The following LHFPL3 variants were observed in gnomAD, a reference collection of about 807,000 sequenced individuals.
LHFPL3 encodes LHFPL tetraspan subfamily member 3, also known as LHFPL tetraspan subfamily member 3 protein.
Under a neutral mutation model 19.3 loss-of-function variants are expected in LHFPL3, and 5 were observed. The ratio of observed to expected loss-of-function variants is 0.26; its 90% confidence interval spans 0.14 to 0.54. The LOEUF (loss-of-function observed/expected upper bound fraction) is 0.54, where lower values mean the gene tolerates loss of function less well. Ranked by LOEUF, LHFPL3 falls within the 20% of genes least tolerant of loss-of-function variation. LHFPL3 has a pLI of 0.94. For missense variants in LHFPL3, 249 were observed against 307.4 expected, an observed-to-expected ratio of 0.81 and a Z score of 1.42; for synonymous variants, 133 against 126.2, an observed-to-expected ratio of 1.05 and a Z score of -0.36.
intron 1 of LHFPL3, among the ~76,000 whole-genome samples, chr7:104,703,017 A>G (rs1449091361): frequency 2.6e-5 from 4 of 152,238 alleles, no homozygotes. Flanking sequence ...TTGAATATCC[A>G]AAGAACAATG....
Position 104,328,764 on chromosome 7 carries a change from G to A in LHFPL3, c.-16G>A. ...GGAGGACCAGGAGGAGGAGGAGGAG[G>A]AGGAGGAGGGGGAGAATGCCCGGAG... On this transcript the variant is annotated 5_prime_UTR_variant, in exon 1 of 3. Transcript: ENST00000424859. The surrounding 1 kb of genome is among the most constrained non-coding windows in gnomAD (Gnocchi z 4.6). 6.4e-7 allele frequency: 1 copy of A among 1,559,648 alleles called. No individual in the cohort carries two copies. The highest frequency in any genetic ancestry group is 2.4e-5 in the East Asian group (1 of 41,858).
chr7:104,804,141 A>G (rs1464871976), intron 2 of LHFPL3: 1 of 152,222 alleles, frequency 6.6e-6, no homozygotes, highest in Non-Finnish European at 1.5e-5. Flanking sequence ...TCTTTCCAGG[A>G]TTCCCAAGAA....
At chr7:104,701,343 A>G (rs1263268902) in intron 1 of LHFPL3, among the ~76,000 whole-genome samples, 3 of 152,184 alleles carry the variant, frequency 2.0e-5, no homozygotes, top group African/African-American at 4.8e-5. Flanking sequence ...AAAAATCCAC[A>G]TACAACTTAC....
At chr7:104,362,685 C>T (rs1030807540) in intron 1 of LHFPL3, among the ~76,000 whole-genome samples, 3 of 152,184 alleles carry the variant, frequency 2.0e-5, no homozygotes, top group African/African-American at 7.2e-5. Flanking sequence ...TAATACTGTA[C>T]ACCCAGCTAA....
intron 1 of LHFPL3, among the ~76,000 whole-genome samples, chr7:104,537,282 ACT>A (rs748844670): frequency 2.0e-5 from 3 of 151,468 alleles, no homozygotes; most frequent in African/African-American, 4.9e-5. Flanking sequence ...ATTTCTAAAA[ACT>A]CTCTGTTTCT....
intron 1 of LHFPL3, among the ~76,000 whole-genome samples, chr7:104,555,141 G>A (rs1444383753): frequency 2.0e-5 from 3 of 152,068 alleles, no homozygotes; most frequent in African/African-American, 4.8e-5. Flanking sequence ...CAGAAATGAC[G>A]CTTTCCCAGC....
intron 1 of LHFPL3, among the ~76,000 whole-genome samples, chr7:104,370,001 A>G (rs945382366): frequency 1.3e-5 from 2 of 152,354 alleles, no homozygotes; most frequent in African/African-American, 2.4e-5. Flanking sequence ...ATGTGATATA[A>G]AGAATATTAA....
intron 1 of LHFPL3, chr7:104,470,152 CT>C: frequency 6.7e-6 from 3 of 447,614 alleles, no homozygotes; most frequent in South Asian, 1.6e-5. Context: ...GTTGGGGATT[CT>C]TTTCCCCCTG....
At chr7:104,482,436 A>G (rs1398576578) in intron 1 of LHFPL3, among the ~76,000 whole-genome samples, 1 of 152,210 alleles carries the variant, frequency 6.6e-6, no homozygotes, top group African/African-American at 2.4e-5. Flanking sequence ...TTGTCCATAT[A>G]GAGCCTCTTT....
chr7:104,773,371 C>T (rs1250136505), intron 2 of LHFPL3, among the ~76,000 whole-genome samples: 1 of 152,226 alleles, frequency 6.6e-6, no homozygotes, highest in Non-Finnish European at 1.5e-5. Flanking sequence ...ATTTGGGAAG[C>T]AGATGTTCCC....
At chr7:104,820,460 G>A (rs1046725461) in intron 2 of LHFPL3, among the ~76,000 whole-genome samples, 8 of 152,190 alleles carry the variant, frequency 5.3e-5, no homozygotes, top group African/African-American at 1.9e-4. Context: ...CAGAGATTAT[G>A]TTGGCAAGGG....
At chr7:104,718,720 A>G (rs1181468295) in intron 1 of LHFPL3, among the ~76,000 whole-genome samples, 1 of 152,238 alleles carries the variant, frequency 6.6e-6, no homozygotes, top group Non-Finnish European at 1.5e-5. Flanking sequence ...TATATGGAAC[A>G]CCAAGTGCAT....
intron 1 of LHFPL3, among the ~76,000 whole-genome samples, chr7:104,439,099 A>T (rs1251461022): frequency 6.6e-6 from 1 of 152,214 alleles, no homozygotes; most frequent in Non-Finnish European, 1.5e-5. Flanking sequence ...ATTAACAACA[A>T]TTCCCTTACA....
intron 1 of LHFPL3, among the ~76,000 whole-genome samples, chr7:104,411,537 C>A (rs1164431002): frequency 1.3e-5 from 2 of 152,100 alleles, no homozygotes; most frequent in Non-Finnish European, 2.9e-5. Flanking sequence ...CTTCTTCCTC[C>A]TAAAATCACC....
At chr7:104,763,223 G>A (rs1794405660) in intron 2 of LHFPL3, among the ~76,000 whole-genome samples, 2 of 152,290 alleles carry the variant, frequency 1.3e-5, no homozygotes, top group South Asian at 2.1e-4. Flanking sequence ...CACTGTAAAG[G>A]TCACAATGTC....
intron 1 of LHFPL3, among the ~76,000 whole-genome samples, chr7:104,708,701 C>T (rs1793236163): frequency 6.6e-6 from 1 of 152,116 alleles, no homozygotes; most frequent in African/African-American, 2.4e-5. Flanking sequence ...ACTGTCAGTC[C>T]TCTGAGCCCC....
intron 1 of LHFPL3, among the ~76,000 whole-genome samples, chr7:104,663,548 C>T (rs1792271641): frequency 6.6e-6 from 1 of 152,182 alleles, no homozygotes; most frequent in African/African-American, 2.4e-5. Context: ...TTGGAGAATT[C>T]ATGTACAACA....
At chr7:104,596,859 G>A (rs967456552) in intron 1 of LHFPL3, among the ~76,000 whole-genome samples, 9 of 152,202 alleles carry the variant, frequency 5.9e-5, no homozygotes, top group African/African-American at 2.2e-4. Flanking sequence ...CTGTTTACAT[G>A]TTTGTTCTCC....
At chr7:104,338,964 A>T (rs1392679470) in intron 1 of LHFPL3, among the ~76,000 whole-genome samples, 3 of 152,140 alleles carry the variant, frequency 2.0e-5, no homozygotes, top group Non-Finnish European at 4.4e-5. Context: ...AGAAATAATA[A>T]TGGCCGGGCA....
Sources: gnomAD v4.1 joint callset for allele counts (sites outside exome capture counted in the v4.1 genomes callset) on GRCh38, gnomAD v4.1.1 for gene constraint, Gnocchi (gnomAD v3.1) non-coding constraint, MANE v1.5 for transcripts, NCBI Gene and HGNC (gene_info 2026-07-23, HGNC 2026-07-21) for gene names.